SLC9B1: variants seen among roughly 807,000 people sequenced by gnomAD.
SLC9B1 encodes solute carrier family 9 member B1, also known as sodium/hydrogen exchanger 9B1.
Under a neutral mutation model 51.7 loss-of-function variants are expected in SLC9B1, and 32 were observed. That is an observed-to-expected ratio of 0.62 (90% CI 0.47 to 0.83). SLC9B1 has a LOEUF of 0.83. SLC9B1 is among the 40% of genes least tolerant of loss of function. SLC9B1 has a pLI of 0.00. For synonymous variants in SLC9B1, 145 were observed against 212.7 expected, an observed-to-expected ratio of 0.68 and a Z score of 2.77; for missense variants, 406 against 613.2, an observed-to-expected ratio of 0.66 and a Z score of 3.57.
intron 3 of SLC9B1, among the ~76,000 whole-genome samples, chr4:102,972,203 A>G (rs1346760756): frequency 2.6e-5 from 4 of 152,178 alleles, no homozygotes; most frequent in Non-Finnish European, 5.9e-5. Context: ...AGAATTTTAG[A>G]CCAATATCCC....
intron 9 of SLC9B1, among the ~76,000 whole-genome samples, chr4:102,908,433 T>C: frequency 6.6e-6 from 1 of 152,292 alleles, no homozygotes; most frequent in East Asian, 1.9e-4. Context: ...GATGTAGTTC[T>C]ATCTCTGTTC....
chr4:102,959,197 G>C (rs1737954299), intron 3 of SLC9B1, among the ~76,000 whole-genome samples: 1 of 151,148 alleles, frequency 6.6e-6, no homozygotes, highest in African/African-American at 2.4e-5. Flanking sequence ...CAGGTTGAAT[G>C]TAAAAGGATA....
At chr4:102,987,564 A>AT (rs200797936) in intron 3 of SLC9B1, among the ~76,000 whole-genome samples, 5 of 151,380 alleles carry the variant, frequency 3.3e-5, no homozygotes, top group Admixed American at 6.6e-5. Context: ...CTGATAAAAA[A>AT]TTTTTTTTTG....
At position 102,885,289 on chromosome 4, in the gene SLC9B1, CCTCCCGAAGAAGAAACA is replaced by C; in HGVS notation, c.1355_1371del (p.Leu452Ter). ...TTGGCTACCTTGCAGTTCGTCCATTCCTCCCGAAGAAGAAACAACAGAAGGATAGCTTGATTAATCTT... is the reference window on the plus strand; with the variant it reads ...TTGGCTACCTTGCAGTTCGTCCATTCACAGAAGGATAGCTTGATTAATCTT... On this transcript the variant is annotated frameshift_variant, in exon 12 of 12. Transcript: ENST00000394789. LOFTEE classifies it high-confidence loss of function. The C allele has an allele frequency of 6.2e-7, 1 of 1,614,048 alleles. No individual in the cohort carries two copies. Among genetic ancestry groups the C allele is most frequent in the South Asian group, 1.1e-5 (1 of 91,058 alleles).
At chr4:102,961,044 T>C (rs1423138996) in intron 3 of SLC9B1, among the ~76,000 whole-genome samples, 1 of 152,170 alleles carries the variant, frequency 6.6e-6, no homozygotes, top group Non-Finnish European at 1.5e-5. Flanking sequence ...AGCTTTACTT[T>C]CTAAAAATTA....
intron 3 of SLC9B1, among the ~76,000 whole-genome samples, chr4:102,987,199 T>A (rs945067300): frequency 3.9e-5 from 6 of 152,144 alleles, no homozygotes; most frequent in Non-Finnish European, 8.8e-5. Flanking sequence ...CAAAAAATGC[T>A]TTTCTGGTTT....
intron 3 of SLC9B1, among the ~76,000 whole-genome samples, chr4:102,984,344 G>A (rs1739507451): frequency 6.6e-6 from 1 of 152,090 alleles, no homozygotes; most frequent in Non-Finnish European, 1.5e-5. Context: ...TCAAACTCCT[G>A]AGCTCAAGTA....
intron 1 of SLC9B1, among the ~76,000 whole-genome samples, chr4:103,018,276 C>T (rs6816370): frequency 0.33 from 50,229 of 151,964 alleles, 8,298 homozygotes; most frequent in Middle Eastern, 0.41. Flanking sequence ...TGACAAGAGC[C>T]AACTGAAAAA....
intron 3 of SLC9B1, among the ~76,000 whole-genome samples, chr4:102,987,558 T>C (rs1739697920): frequency 6.6e-6 from 1 of 152,110 alleles, no homozygotes; most frequent in Non-Finnish European, 1.5e-5. Flanking sequence ...TAGGCTCTGA[T>C]AAAAAATTTT....
At chr4:103,002,774 G>A (rs1330782163) in intron 1 of SLC9B1, among the ~76,000 whole-genome samples, 1 of 152,134 alleles carries the variant, frequency 6.6e-6, no homozygotes, top group African/African-American at 2.4e-5. Flanking sequence ...TGCTTTCACT[G>A]AACACTCTGG....
At chr4:102,919,897 G>C (rs866398642) in intron 7 of SLC9B1, among the ~76,000 whole-genome samples, 2 of 152,222 alleles carry the variant, frequency 1.3e-5, no homozygotes, top group South Asian at 4.1e-4. Flanking sequence ...TAAACAAAGC[G>C]GCTGGGAAGC....
intron 7 of SLC9B1, among the ~76,000 whole-genome samples, chr4:102,919,713 C>T (rs1291238404): frequency 9.3e-6 from 1 of 107,204 alleles, no homozygotes; most frequent in South Asian, 2.9e-4. Flanking sequence ...AAATACTGCA[C>T]TTTTCCCAAG....
chr4:102,887,437 T>C (rs1733987788), intron 11 of SLC9B1: 2 of 920,330 alleles, frequency 2.2e-6, no homozygotes, highest in Admixed American at 3.7e-5. Context: ...ATAATAATAA[T>C]AACAATATTT....
At chr4:102,975,563 T>C (rs894411130) in intron 3 of SLC9B1, among the ~76,000 whole-genome samples, 31 of 113,050 alleles carry the variant, frequency 2.7e-4, no homozygotes, top group Non-Finnish European at 2.4e-4. Context: ...TGATTATATA[T>C]ACATATATAT....
chr4:103,003,341 C>T (rs927933836), intron 1 of SLC9B1, among the ~76,000 whole-genome samples: 1 of 152,080 alleles, frequency 6.6e-6, no homozygotes, highest in African/African-American at 2.4e-5. Flanking sequence ...TCACTTCATC[C>T]CCTCCAATTA....
intron 7 of SLC9B1, among the ~76,000 whole-genome samples, chr4:102,920,555 T>C (rs1433575169): frequency 6.6e-6 from 1 of 152,180 alleles, no homozygotes; most frequent in Non-Finnish European, 1.5e-5. Flanking sequence ...GGATGGAGAA[T>C]GACTTTGACG....
intron 1 of SLC9B1, among the ~76,000 whole-genome samples, chr4:103,002,518 T>A (rs1740580037): frequency 2.0e-5 from 3 of 152,340 alleles, no homozygotes; most frequent in African/African-American, 7.2e-5. Context: ...AACAACTATA[T>A]GATTTTTTGA....
chr4:102,944,113 T>C (rs1737153907), intron 6 of SLC9B1, among the ~76,000 whole-genome samples: 1 of 152,036 alleles, frequency 6.6e-6, no homozygotes, highest in Non-Finnish European at 1.5e-5. Context: ...TTATCCTAAG[T>C]GAATTAACAC....
At chr4:102,933,039 C>T (rs1329319061) in intron 6 of SLC9B1, among the ~76,000 whole-genome samples, 1 of 152,202 alleles carries the variant, frequency 6.6e-6, no homozygotes, top group Non-Finnish European at 1.5e-5. Flanking sequence ...ATATCTTATC[C>T]AGAATTTCGC....
Sources: gnomAD v4.1 joint callset for allele counts (sites outside exome capture counted in the v4.1 genomes callset) on GRCh38, gnomAD v4.1.1 for gene constraint, MANE v1.5 for transcripts, NCBI Gene and HGNC (gene_info 2026-07-23, HGNC 2026-07-21) for gene names.